The following FAM81B variants were observed in gnomAD, a reference collection of about 807,000 sequenced individuals.
FAM81B encodes family with sequence similarity 81 member B.
A neutral mutation model predicts 58.7 loss-of-function variants in FAM81B; 60 were observed. That is an observed-to-expected ratio of 1.02 (90% CI 0.83 to 1.27). FAM81B has a LOEUF of 1.27. Ranked by LOEUF, FAM81B falls within the 50% of genes most tolerant of loss-of-function variation. The pLI is 0.00. For synonymous variants in FAM81B, 189 were observed against 179.6 expected, an observed-to-expected ratio of 1.05 and a Z score of -0.42; for missense variants, 491 against 522.0, an observed-to-expected ratio of 0.94 and a Z score of 0.58.
intron 4 of FAM81B, among the ~76,000 whole-genome samples, chr5:95,419,975 A>G (rs982803492): frequency 6.6e-6 from 1 of 152,238 alleles, no homozygotes; most frequent in Non-Finnish European, 1.5e-5. Context: ...TATGGTTTAC[A>G]AAAGATCTTG....
intron 8 of FAM81B, 34 bp downstream of exon 8, chr5:95,446,731 C>T: frequency 1.2e-6 from 2 of 1,604,310 alleles, no homozygotes; most frequent in Non-Finnish European, 8.5e-7. Context: ...AAGCAAGCAC[C>T]TGCATAGTCC....
In FAM81B at chr5:95,392,825, T is replaced by G. The variant is rs1582774792; in HGVS notation, c.156T>G (p.Thr52=). Residue 52 remains threonine, a synonymous_variant, in exon 2 of 10, where the codon ACT becomes ACG. Coordinates refer to ENST00000283357, the MANE Select transcript of FAM81B (RefSeq NM_152548.3). ...DTNVNKSASP[T]ATAEEQPVEP... Reference sequence around the variant, plus strand: ...ATGTAAACAAAAGTGCCTCTCCAACTGCGACTGCAGAGGAACAGCCAGTTG... The same window carrying G: ...ATGTAAACAAAAGTGCCTCTCCAACGGCGACTGCAGAGGAACAGCCAGTTG... 2 of 1,611,966 alleles carry G rather than the reference T, an allele frequency of 1.2e-6. No individual in the cohort carries two copies. The highest frequency in any genetic ancestry group is 2.2e-5 in the South Asian group (2 of 90,584).
chr5:95,445,630 T>C (rs1402956688), intron 7 of FAM81B, among the ~76,000 whole-genome samples: 2 of 152,200 alleles, frequency 1.3e-5, no homozygotes, highest in South Asian at 2.1e-4. Context: ...TACCTTCCTG[T>C]ACCTCTATTA....
At chr5:95,430,495 C>A (rs1316149647) in intron 6 of FAM81B, among the ~76,000 whole-genome samples, 1 of 151,032 alleles carries the variant, frequency 6.6e-6, no homozygotes, top group African/African-American at 2.4e-5. Flanking sequence ...TACACAGAGA[C>A]CTTCCTTATC....
At chr5:95,415,934 T>C (rs576490124) in intron 4 of FAM81B, among the ~76,000 whole-genome samples, 1 of 152,318 alleles carries the variant, frequency 6.6e-6, no homozygotes, top group African/African-American at 2.4e-5. Context: ...AAACAGTTTA[T>C]TTTTCTGTAA....
chr5:95,397,854 C>A (rs1228236387), intron 3 of FAM81B, among the ~76,000 whole-genome samples: 4 of 152,148 alleles, frequency 2.6e-5, no homozygotes, highest in African/African-American at 9.7e-5. Context: ...GAACAGGCTG[C>A]AAACTCCCTA....
chr5:95,428,517 C>G, intron 5 of FAM81B, 86 bp from the exon 6 acceptor site: 1 of 1,496,400 alleles, frequency 6.7e-7, no homozygotes, highest in East Asian at 2.3e-5. Flanking sequence ...AGAACTTTGG[C>G]CATCAAATGA....
intron 2 of FAM81B, among the ~76,000 whole-genome samples, chr5:95,395,236 G>T (rs748671417): frequency 5.3e-5 from 8 of 151,858 alleles, no homozygotes; most frequent in Non-Finnish European, 1.0e-4. Flanking sequence ...TCAGGAGATC[G>T]AGACCATCCT....
intron 4 of FAM81B, among the ~76,000 whole-genome samples, chr5:95,418,074 T>C (rs1762582468): frequency 1.3e-5 from 2 of 152,228 alleles, no homozygotes; most frequent in South Asian, 2.1e-4. Flanking sequence ...AAGTAATTCA[T>C]AAGTGTTCAA....
chr5:95,400,618 G>A (rs1321745933), intron 3 of FAM81B, among the ~76,000 whole-genome samples: 1 of 151,988 alleles, frequency 6.6e-6, no homozygotes, highest in Middle Eastern at 3.2e-3. Context: ...CTTTTGGGGG[G>A]ACACAATTCA....
At position 95,448,352 on chromosome 5, in the gene FAM81B, AAC is replaced by A; in HGVS notation, c.1117_1118del (p.Gln373ThrfsTer3). 1 of 1,612,700 alleles carries A rather than the reference AAC, an allele frequency of 6.2e-7. No homozygotes were observed. Among genetic ancestry groups the A allele is most frequent in the Non-Finnish European group, 8.5e-7 (1 of 1,179,622 alleles). On this transcript the variant is annotated frameshift_variant, in exon 9 of 10. Transcript: ENST00000283357. LOFTEE classifies it high-confidence loss of function. The stretch of plus-strand genomic sequence containing the variant: ...ATTTCATTAACACACAGAAACAGGA[AAC>A]ACAACTAAGTAAAGTAAAGCATATG... The part of the protein sequence containing the change: ...ENFINTQKQE[T>X]QLSKVKHMEN...
chr5:95,431,008 TTA>T (rs1744857006), intron 6 of FAM81B, among the ~76,000 whole-genome samples: 1 of 152,116 alleles, frequency 6.6e-6, no homozygotes, highest in African/African-American at 2.4e-5. Flanking sequence ...AACTATCTGT[TTA>T]TGTCTTTTGC....
rs374895509 is a variant in FAM81B, at chr5:95,443,951, CT to C, written c.894-2610del. Among the ~76,000 whole-genome samples the C allele has an allele frequency of 3.0e-3, 458 of 152,084 alleles. 2 individuals are homozygous for C. The highest frequency in any genetic ancestry group is 0.01 in the African/African-American group (415 of 41,474). ...TATCAGTGATAAAAGAGTAAATGCT[CT>C]CATTTATTTGTTATACAGTAAAGGT... On this transcript the variant is annotated intron_variant, in intron 7 of 9. Coordinates refer to ENST00000283357, the MANE Select transcript of FAM81B (RefSeq NM_152548.3).
At position 95,446,689 on chromosome 5, in the gene FAM81B, G is replaced by T; in HGVS notation, c.1021G>T (p.Glu341Ter). 2 of 1,611,284 alleles carry T rather than the reference G, an allele frequency of 1.2e-6. No individual in the cohort carries two copies. Among genetic ancestry groups the T allele is most frequent in the East Asian group, 2.2e-5 (1 of 44,854 alleles). Residue 341 changes from glutamate (E) to a stop codon, truncating the protein, a stop_gained, in exon 8 of 10, where the codon GAG becomes TAG. Coordinates refer to ENST00000283357, the MANE Select transcript of FAM81B (RefSeq NM_152548.3). LOFTEE classifies it high-confidence loss of function. Reference sequence around the variant, plus strand: ...AAATGAATGTCTGAAGGTCCTACAGGAGAAACTGGTGAGGAGTTCTGTTAT... The same window carrying T: ...AAATGAATGTCTGAAGGTCCTACAGTAGAAACTGGTGAGGAGTTCTGTTAT... Reference protein sequence around the residue: ...HINECLKVLQEKLEKSENKME... With the variant: ...HINECLKVLQ
chr5:95,399,447 C>A (rs1282833410), intron 3 of FAM81B, among the ~76,000 whole-genome samples: 2 of 152,120 alleles, frequency 1.3e-5, no homozygotes, highest in African/African-American at 4.8e-5. Context: ...AGCCACAGTG[C>A]AGTCTTTTGG....
intron 3 of FAM81B, among the ~76,000 whole-genome samples, chr5:95,398,045 G>T (rs1162574032): frequency 6.6e-6 from 1 of 152,120 alleles, no homozygotes; most frequent in Non-Finnish European, 1.5e-5. Context: ...TGGCATTTGG[G>T]CATTTCAGTA....
intron 7 of FAM81B, among the ~76,000 whole-genome samples, chr5:95,437,617 G>A (rs574479394): frequency 5.3e-5 from 8 of 152,320 alleles, no homozygotes; most frequent in South Asian, 2.1e-4. Context: ...GATTACAGGC[G>A]TGAGCCACTG....
chr5:95,397,941 G>A (rs979025858), intron 3 of FAM81B, among the ~76,000 whole-genome samples: 1 of 152,164 alleles, frequency 6.6e-6, no homozygotes, highest in African/African-American at 2.4e-5. Context: ...TACACTTGAT[G>A]AACTGTAGTT....
chr5:95,433,017 C>G (rs2152767931), intron 6 of FAM81B, among the ~76,000 whole-genome samples: 1 of 152,170 alleles, frequency 6.6e-6, no homozygotes, highest in Middle Eastern at 3.4e-3. Flanking sequence ...CCTGAGCATT[C>G]ATTCTTCTTC....
Sources: gnomAD v4.1 joint callset for allele counts (sites outside exome capture counted in the v4.1 genomes callset) on GRCh38, gnomAD v4.1.1 for gene constraint, MANE v1.5 for transcripts, NCBI Gene and HGNC (gene_info 2026-07-23, HGNC 2026-07-21) for gene names.